LRFN5: variants seen among roughly 807,000 people sequenced by gnomAD.
LRFN5 encodes the protein leucine-rich repeat and fibronectin type-III domain-containing protein 5.
In LRFN5, 24 loss-of-function variants were observed where a neutral mutation model predicts 45.6. That is an observed-to-expected ratio of 0.53 (90% CI 0.38 to 0.74). The LOEUF is 0.74. Ranked by LOEUF, LRFN5 falls within the 30% of genes least tolerant of loss-of-function variation. The pLI, the probability that LRFN5 is intolerant of heterozygous loss-of-function variation, is 0.00. For missense variants in LRFN5, 776 were observed against 861.5 expected (o/e 0.90, Z 1.24); for synonymous variants, 340 against 313.8 (o/e 1.08, Z -0.88).
intron 1 of LRFN5, among the ~76,000 whole-genome samples, chr14:41,727,369 A>C (rs1259140183): frequency 6.6e-6 from 1 of 152,110 alleles, no homozygotes; most frequent in Non-Finnish European, 1.5e-5. Flanking sequence ...TTTAGCAGGC[A>C]GAGGCAGGAG....
At chr14:41,625,649 A>G (rs1245047764) in intron 1 of LRFN5, among the ~76,000 whole-genome samples, 1 of 152,198 alleles carries the variant, frequency 6.6e-6, no homozygotes, top group Non-Finnish European at 1.5e-5. Flanking sequence ...CTGTGTGTCC[A>G]TAGCAAATAG....
At chr14:41,656,302 C>G (rs1880377569) in intron 1 of LRFN5, among the ~76,000 whole-genome samples, 2 of 151,936 alleles carry the variant, frequency 1.3e-5, no homozygotes, top group South Asian at 4.1e-4. Context: ...TTATTGTTGC[C>G]TACACTCTGA....
At chr14:41,873,419 C>CAGAG (rs10558865) in intron 2 of LRFN5, among the ~76,000 whole-genome samples, 5,880 of 146,532 alleles carry the variant, frequency 0.04, 121 homozygotes, top group Middle Eastern at 0.069. Flanking sequence ...GAGAGAGAGA[C>CAGAG]AGAGAGAGAG....
intron 1 of LRFN5, among the ~76,000 whole-genome samples, chr14:41,751,710 C>A (rs1885140050): frequency 6.6e-6 from 1 of 152,120 alleles, no homozygotes; most frequent in African/African-American, 2.4e-5. Context: ...ACATTAGCAT[C>A]AGACAGAATC....
At chr14:41,844,428 C>A (rs1283360753) in intron 2 of LRFN5, among the ~76,000 whole-genome samples, 1 of 118,834 alleles carries the variant, frequency 8.4e-6, no homozygotes, top group Non-Finnish European at 1.7e-5. Flanking sequence ...CAGAGCAAGA[C>A]TCCGTCTCAA....
At chr14:41,770,296 C>A (rs969583962) in intron 2 of LRFN5, among the ~76,000 whole-genome samples, 1 of 152,068 alleles carries the variant, frequency 6.6e-6, no homozygotes, top group Non-Finnish European at 1.5e-5. Flanking sequence ...CATCCCTGGC[C>A]CCCCCAAATC....
chr14:41,841,073 T>A (rs762307793), intron 2 of LRFN5, among the ~76,000 whole-genome samples: 33 of 151,348 alleles, frequency 2.2e-4, no homozygotes, highest in Non-Finnish European at 4.4e-4. Context: ...TCTGTAGCAA[T>A]ATGGAAAAAA....
chr14:41,804,906 G>C (rs1036305304), intron 2 of LRFN5, among the ~76,000 whole-genome samples: 3 of 152,020 alleles, frequency 2.0e-5, no homozygotes, highest in Non-Finnish European at 4.4e-5. Flanking sequence ...ATAGAAATGT[G>C]CATTTCCTTT....
chr14:41,623,678 C>G (rs1242301760), intron 1 of LRFN5, among the ~76,000 whole-genome samples: 3 of 152,014 alleles, frequency 2.0e-5, no homozygotes, highest in Non-Finnish European at 2.9e-5. Context: ...GCCCTACTCT[C>G]TAGTTTTAAT....
chr14:41,857,914 G>T (rs1197936010), intron 2 of LRFN5, among the ~76,000 whole-genome samples: 1 of 152,196 alleles, frequency 6.6e-6, no homozygotes, highest in Admixed American at 6.5e-5. Context: ...TGAAATACAA[G>T]AGCTGAAATG....
At chr14:41,688,142 A>G (rs1882203670) in intron 1 of LRFN5, among the ~76,000 whole-genome samples, 1 of 152,204 alleles carries the variant, frequency 6.6e-6, no homozygotes, top group African/African-American at 2.4e-5. Flanking sequence ...GATAGCCAGT[A>G]GAATAATGGT....
chr14:41,776,575 G>T (rs1379776104), intron 2 of LRFN5, among the ~76,000 whole-genome samples: 1 of 151,994 alleles, frequency 6.6e-6, no homozygotes, highest in Non-Finnish European at 1.5e-5. Flanking sequence ...TTAATAACTT[G>T]TCTTTAATTT....
chr14:41,628,607 A>ATAAG (rs989466533), intron 1 of LRFN5, among the ~76,000 whole-genome samples: 16 of 151,970 alleles, frequency 1.1e-4, no homozygotes, highest in Non-Finnish European at 2.2e-4. Context: ...CTGTCTATAA[A>ATAAG]TAAATAAATA....
chr14:41,636,787 A>C (rs948925282), intron 1 of LRFN5, among the ~76,000 whole-genome samples: 4 of 152,088 alleles, frequency 2.6e-5, no homozygotes, highest in African/African-American at 7.2e-5. Context: ...GAAAGGGACA[A>C]AAGAAGCATA....
rs191226883 is a variant in LRFN5, at chr14:41,666,962, C to T, written c.-197+58400C>T. ...GAATAAGAACATAATGATTATACAACGTTATAGAGTTTTGTAGGATTTTTA... is the reference window on the plus strand; with the variant it reads ...GAATAAGAACATAATGATTATACAATGTTATAGAGTTTTGTAGGATTTTTA... On this transcript the variant is annotated intron_variant, in intron 1 of 5. Coordinates refer to ENST00000298119, the MANE Select transcript of LRFN5 (RefSeq NM_152447.5). 4.8e-3 allele frequency among the ~76,000 whole-genome samples: 730 copies of T among 152,172 alleles called. 6 individuals are homozygous for T. The highest frequency in any genetic ancestry group is 0.016 in the African/African-American group (669 of 41,528).
At chr14:41,642,655 T>C (rs546054262) in intron 1 of LRFN5, among the ~76,000 whole-genome samples, 4 of 152,188 alleles carry the variant, frequency 2.6e-5, no homozygotes, top group Non-Finnish European at 5.9e-5. Flanking sequence ...CTCCTGCTTT[T>C]GCATTCATAG....
At chr14:41,686,905 T>C (rs1207486281) in intron 1 of LRFN5, among the ~76,000 whole-genome samples, 1 of 152,214 alleles carries the variant, frequency 6.6e-6, no homozygotes, top group Non-Finnish European at 1.5e-5. Flanking sequence ...ATCAGGGATA[T>C]TGGCCTGAAG....
At position 41,768,287 on chromosome 14, in the gene LRFN5, G is replaced by A. The variant is rs1266116702; in HGVS notation, c.-21+1258G>A. Reference sequence around the variant, plus strand: ...GTATGTTGTTGCTAGTATGCTCAAGGTGGTGTAGAAGGACTACTTTTAAGA... The same window carrying A: ...GTATGTTGTTGCTAGTATGCTCAAGATGGTGTAGAAGGACTACTTTTAAGA... On this transcript the variant is annotated intron_variant, in intron 2 of 5. Coordinates refer to ENST00000298119, the MANE Select transcript of LRFN5 (RefSeq NM_152447.5). 2.6e-5 allele frequency among the ~76,000 whole-genome samples: 4 copies of A among 152,158 alleles called. No homozygotes were observed. The East Asian group carries it at 5.8e-4, about 22-fold the overall frequency.
At chr14:41,754,081 T>C (rs1885262321) in intron 1 of LRFN5, among the ~76,000 whole-genome samples, 1 of 152,234 alleles carries the variant, frequency 6.6e-6, no homozygotes, top group Non-Finnish European at 1.5e-5. Context: ...GATTTACGTA[T>C]ATTGAACCAG....
Sources: allele counts gnomAD v4.1 joint callset (sites outside exome capture counted in the v4.1 genomes callset), GRCh38; gene constraint gnomAD v4.1.1; transcripts MANE v1.5; gene names NCBI Gene and HGNC (gene_info 2026-07-23, HGNC 2026-07-21).